The following NOC4L variants were observed in gnomAD, a reference collection of about 807,000 sequenced individuals.
NOC4L encodes nucleolar complex protein 4 homolog.
Under a neutral mutation model 62.8 loss-of-function variants are expected in NOC4L, and 40 were observed. The ratio of observed to expected loss-of-function variants is 0.64; its 90% CI spans 0.49 to 0.83. The LOEUF is 0.83. NOC4L is among the 40% of genes least tolerant of loss of function. The pLI is 0.00. For missense variants in NOC4L, 927 were observed against 701.9 expected (o/e 1.32, Z -3.62); for synonymous variants, 433 against 299.8 (o/e 1.44, Z -4.59).
rs375873876 is a variant in NOC4L, at chr12:132,147,367, G to A, written c.432G>A (p.Leu144=). 6.3e-7 allele frequency: 1 copy of A among 1,595,288 alleles called. No individual in the cohort carries two copies. ...LEKSKWEGNY[L]FPRELFKLVV... is the part of the protein sequence containing the mutation. ...AGTCCAAGTGGGAAGGCAACTACCT[G>A]TTCCCCCGAGAGCTCTTCAAGGTGA... The change falls in exon 4 of 15, where the codon CTG becomes CTA. Residue 144 remains leucine, a synonymous_variant. Transcript: ENST00000330579.
rs778220342 is a variant in NOC4L at position 132,144,500 on chromosome 12, G to T, written c.12G>T (p.Glu4Asp). The stretch of plus-strand genomic sequence containing the variant: ...GTGTTGGGGGCGGCATGGAGCGGGA[G>T]CCGGGCGCCGCGGGAGTTCGCCGGG... MER[E>D]PGAAGVRRAL... Residue 4 changes from glutamate (E) to aspartate (D), a missense_variant, in exon 1 of 15, where the codon GAG becomes GAT. Transcript: ENST00000330579. The T allele has an allele frequency of 2.2e-5, 33 of 1,520,840 alleles. No homozygotes were observed. The highest frequency in any genetic ancestry group is 2.7e-5 in the Non-Finnish European group (31 of 1,145,596). 94.2% of individuals were successfully genotyped at this position (1,520,840 alleles called of 1,614,324 possible).
rs190283462 is a variant in NOC4L at position 132,151,315 on chromosome 12, C to T, written c.1020C>T (p.His340=). 36 of 1,611,856 alleles carry T rather than the reference C, an allele frequency of 2.2e-5. No homozygotes were observed. The highest frequency in any genetic ancestry group is 1.3e-4 in the East Asian group (6 of 44,880). ...LYGLLDPSVF[H]VKYRARFFHL... ...GCCTCTTGGACCCCTCTGTCTTTCA[C>T]GTCAAGTACCGCGCCCGCTTCTTCC... The change falls in exon 11 of 15, where the codon CAC becomes CAT. Residue 340 remains histidine, a synonymous_variant. Transcript: ENST00000330579.
At chr12:132,150,744 TGCC>T (rs1199293565) in intron 9 of NOC4L, 1 of 566,412 alleles carries the variant, frequency 1.8e-6, no homozygotes, top group African/African-American at 1.9e-5. Context: ...CCTCGGTGAG[TGCC>T]GCCGCCTCGC....
chr12:132,148,887 G>T lies in NOC4L; in HGVS notation c.893G>T (p.Cys298Phe). 6.3e-7 allele frequency: 1 copy of T among 1,591,002 alleles called. No homozygotes were observed. Residue 298 changes from cysteine (C) to phenylalanine (F), a missense_variant, in exon 9 of 15, where the codon TGC (cysteine) becomes TTC (phenylalanine). By Grantham distance (205) the Cys-to-Phe change is radical. Transcript: ENST00000330579. ...TLMIDFLTRA[C>F]DLGGALSLLA... is the part of the protein sequence containing the mutation. ...ATGATCGACTTCCTCACCCGCGCCT[G>T]CGACCTCGGTGAGTGCCGCCGCCTC...
intron 3 of NOC4L, among the ~76,000 whole-genome samples, 162 bp downstream of exon 3, chr12:132,145,827 T>C (rs971328133): frequency 1.1e-4 from 16 of 152,192 alleles, no homozygotes; most frequent in Non-Finnish European, 2.9e-5. Flanking sequence ...GAAACATGGC[T>C]ATCGAGTCCT....
chr12:132,148,835 C>T lies in NOC4L; in HGVS notation c.841C>T (p.Leu281=), dbSNP rs751378322. ...GCTGCTGATTGTGCATGACGCCATCCTGCCGCAGCTGGCGCAGCCCACGCT... is the reference window on the plus strand; with the variant it reads ...GCTGCTGATTGTGCATGACGCCATCTTGCCGCAGCTGGCGCAGCCCACGCT... ...KVLLIVHDAI[L]PQLAQPTLMI... The change falls in exon 9 of 15, where the codon CTG becomes TTG. Residue 281 remains leucine, a synonymous_variant. Coordinates refer to ENST00000330579, the MANE Select transcript of NOC4L (RefSeq NM_024078.3). 7 of 1,603,814 alleles carry T rather than the reference C, an allele frequency of 4.4e-6. No individual in the cohort carries two copies. Among genetic ancestry groups the T allele is most frequent in the Non-Finnish European group, 5.1e-6 (6 of 1,178,714 alleles).
chr12:132,151,909 G>C, intron 13 of NOC4L, 89 bp downstream of exon 13: 1 of 1,369,822 alleles, frequency 7.3e-7, no homozygotes, highest in South Asian at 1.2e-5. Context: ...CTCCCGCATA[G>C]CCTCATGTTG....
rs1039854830 is a variant in NOC4L, at chr12:132,148,591, G to C, written c.739-18G>C. On this transcript the variant is annotated intron_variant, in intron 7 of 14. Coordinates refer to ENST00000330579, the MANE Select transcript of NOC4L (RefSeq NM_024078.3). ...TGGGGTGGGGAGGGCGGCGAGTGCA[G>C]TCTGGACCCCGTTGCAGGAGCACAG... is the stretch of plus-strand genomic sequence containing the variant. 1.7e-5 allele frequency: 27 copies of C among 1,549,354 alleles called. No homozygotes were observed. Among genetic ancestry groups the C allele is most frequent in the Non-Finnish European group, 2.4e-5 (27 of 1,146,230 alleles).
intron 9 of NOC4L, 104 bp from the exon 10 acceptor site, chr12:132,150,877 A>C (rs1897908420): frequency 1.2e-6 from 1 of 810,078 alleles, no homozygotes; most frequent in South Asian, 1.6e-5. Context: ...GGGAGGGGAC[A>C]GCAGGGGCAG....
Position 132,152,080 on chromosome 12 carries a change from C to A in NOC4L, c.1318-4C>A. 6.2e-7 allele frequency: 1 copy of A among 1,609,626 alleles called. No homozygotes were observed. ...GCTGCCTCTTAACGGCCCTACTGCC[C>A]CAGGCCCTCCAGCGCCACTACCACC... is the stretch of plus-strand genomic sequence containing the variant. On this transcript the variant is annotated splice_polypyrimidine_tract_variant and splice_region_variant and intron_variant, in intron 13 of 14. Coordinates refer to ENST00000330579, the MANE Select transcript of NOC4L (RefSeq NM_024078.3).
chr12:132,144,752 G>A (rs1211057206), intron 1 of NOC4L, 102 bp from the exon 2 acceptor site: 1 of 1,492,920 alleles, frequency 6.7e-7, no homozygotes, highest in Non-Finnish European at 8.9e-7. Context: ...GGGGGTGACG[G>A]GGCTGGCGTC....
intron 3 of NOC4L, among the ~76,000 whole-genome samples, chr12:132,145,870 C>G (rs1241269478): frequency 1.3e-5 from 2 of 152,192 alleles, no homozygotes; most frequent in Non-Finnish European, 2.9e-5. Context: ...AATCCGTGTT[C>G]ATTTCCAGTG....
intron 7 of NOC4L, among the ~76,000 whole-genome samples, chr12:132,148,367 T>G (rs1010711405): frequency 1.3e-5 from 2 of 152,204 alleles, no homozygotes; most frequent in Admixed American, 6.5e-5. Context: ...TGGGCTGTTT[T>G]GGGCGCAGCC....
Position 132,151,038 on chromosome 12 carries a change from A to G in NOC4L, c.959A>G (p.Asn320Ser), listed in dbSNP as rs978764707. 1 of 1,610,154 alleles carries G rather than the reference A, an allele frequency of 6.2e-7. No individual in the cohort carries two copies. Among genetic ancestry groups the G allele is most frequent in the Non-Finnish European group, 8.5e-7 (1 of 1,178,430 alleles). The stretch of plus-strand genomic sequence containing the variant: ...CTGTTCATCTTGATTCACAAACACA[A>G]CCTGTGAGTGTCACCAGGGGTGCAG... ...NGLFILIHKH[N>S]LEYPDFYRKL... Residue 320 changes from asparagine to serine, a missense_variant, in exon 10 of 15, where the codon AAC (asparagine) becomes AGC (serine). By Grantham distance (46) the Asn-to-Ser change is conservative (BLOSUM62 1). Coordinates refer to ENST00000330579, the MANE Select transcript of NOC4L (RefSeq NM_024078.3).
At chr12:132,145,036 C>T (rs951248842) in intron 2 of NOC4L, 62 bp downstream of exon 2, 1 of 1,523,314 alleles carries the variant, frequency 6.6e-7, no homozygotes, top group Non-Finnish European at 8.8e-7. Context: ...GAGGCTTTGT[C>T]ACCATGGGAT....
intron 2 of NOC4L, 45 bp from the exon 3 acceptor site, chr12:132,145,514 C>T (rs962628705): frequency 3.1e-6 from 4 of 1,309,052 alleles, no homozygotes; most frequent in South Asian, 1.2e-5. Context: ...CCCAGGGTGG[C>T]GTATGTGGGC....
In NOC4L at chr12:132,145,679, C is replaced by T. The variant is rs749587970; in HGVS notation, c.345+14C>T. ...TTTCAGGTCAAGGTGGGTCATTGGG[C>T]TGGCCTCATCCTTGTCCATCCCCTG... On this transcript the variant is annotated intron_variant, in intron 3 of 14. Coordinates refer to ENST00000330579, the MANE Select transcript of NOC4L (RefSeq NM_024078.3). The T allele has an allele frequency of 5.9e-5, 93 of 1,578,584 alleles. No homozygotes were observed. The highest frequency in any genetic ancestry group is 7.8e-5 in the Non-Finnish European group (90 of 1,149,822).
In NOC4L at chr12:132,148,787, C is replaced by A; in HGVS notation, c.793C>A (p.Pro265Thr). The part of the protein sequence containing the change: ...MWLSFLKHKL[P>T]LSLYKKVLLI... ...CCACCTGCCGGCCCCCGCCCAGCTG[C>A]CCCTCAGCCTCTACAAGAAGGTGCT... Residue 265 changes from proline (P) to threonine (T), a missense_variant, in exon 9 of 15, where the codon CCC becomes ACC. By Grantham distance (38) the Pro-to-Thr change is conservative. Transcript: ENST00000330579. The A allele has an allele frequency of 4.4e-6, 7 of 1,576,190 alleles. No homozygotes were observed. The highest frequency in any genetic ancestry group is 6.0e-6 in the Non-Finnish European group (7 of 1,162,408).
At chr12:132,148,725 C>T (rs61942925) in intron 8 of NOC4L, 59 bp from the exon 9 acceptor site, 49,449 of 1,406,508 alleles carry the variant, frequency 0.035, 1,081 homozygotes, top group Admixed American at 0.064. Context: ...GAGGCCTCAC[C>T]CCGACCCGCC....
Sources: gnomAD v4.1 joint callset for allele counts (sites outside exome capture counted in the v4.1 genomes callset) on GRCh38, gnomAD v4.1.1 for gene constraint, MANE v1.5 for transcripts, NCBI Gene and HGNC (gene_info 2026-07-23, HGNC 2026-07-21) for gene names.